Variants in CFAP47 observed in about 807,000 individuals in gnomAD.
CFAP47 encodes the protein cilia- and flagella-associated protein 47.
CFAP47 carries 29 observed loss-of-function variants against 148.1 expected under a neutral mutation model. The observed-to-expected ratio is 0.20, with a 90% CI of 0.15 to 0.27. CFAP47 has a LOEUF of 0.27. CFAP47 is among the 10% of genes least tolerant of loss of function. CFAP47 has a pLI of 1.00. For synonymous variants in CFAP47, 664 were observed against 577.3 expected, an observed-to-expected ratio of 1.15 and a Z score of -2.15; for missense variants, 1,872 against 1,697.5, an observed-to-expected ratio of 1.10 and a Z score of -1.81.
At chrX:36,010,458 T>C (rs1409835734) in intron 21 of CFAP47, among the ~76,000 whole-genome samples, 1 of 107,308 alleles carries the variant, frequency 9.3e-6, no homozygotes, top group African/African-American at 3.5e-5. Context: ...TTTAAAGTTT[T>C]GTCGTTTTTT....
chrX:36,291,576 T>C (rs781834358), intron 51 of CFAP47, among the ~76,000 whole-genome samples: 1 of 110,501 alleles, frequency 9.0e-6, no homozygotes, highest in African/African-American at 3.3e-5. Flanking sequence ...TGAAGAAGAA[T>C]TGACTGAACA....
intron 26 of CFAP47, among the ~76,000 whole-genome samples, chrX:36,055,516 G>A (rs1346971563): frequency 9.0e-6 from 1 of 111,715 alleles, no homozygotes; most frequent in Admixed American, 9.5e-5. Context: ...CCTTTTTGTG[G>A]CTGCATAGTA....
chrX:35,971,190 G>T (rs1936485704), intron 11 of CFAP47, among the ~76,000 whole-genome samples: 1 of 112,130 alleles, frequency 8.9e-6, no homozygotes, highest in African/African-American at 3.2e-5. Flanking sequence ...GCTCTCGGGA[G>T]AAACCTGTAC....
intron 33 of CFAP47, among the ~76,000 whole-genome samples, chrX:36,107,821 A>G (rs1470935328): frequency 9.0e-6 from 1 of 110,934 alleles, no homozygotes; most frequent in Non-Finnish European, 1.9e-5. Flanking sequence ...CAATCTTGCT[A>G]TTTACCTAAG....
At chrX:36,130,196 A>G (rs985062283) in intron 33 of CFAP47, among the ~76,000 whole-genome samples, 7 of 111,484 alleles carry the variant, frequency 6.3e-5, no homozygotes, top group Non-Finnish European at 1.3e-4. Context: ...AATGACCAGA[A>G]TATATAAGGA....
intron 57 of CFAP47, among the ~76,000 whole-genome samples, chrX:36,339,890 T>C (rs1209668560): frequency 8.9e-6 from 1 of 112,198 alleles, no homozygotes; most frequent in Non-Finnish European, 1.9e-5. Context: ...TTAAAAAGCA[T>C]TATGTCATGT....
intron 51 of CFAP47, among the ~76,000 whole-genome samples, chrX:36,286,389 A>T (rs1256264990): frequency 9.2e-6 from 1 of 109,112 alleles, no homozygotes; most frequent in Non-Finnish European, 1.9e-5. Flanking sequence ...AGAATTGATT[A>T]CTTAGAATCT....
At chrX:36,214,113 C>G (rs782120762) in intron 45 of CFAP47, among the ~76,000 whole-genome samples, 2 of 111,759 alleles carry the variant, frequency 1.8e-5, no homozygotes, top group Non-Finnish European at 3.8e-5. Flanking sequence ...TACTAATCAC[C>G]TAGGCTATAT....
intron 39 of CFAP47, 81 bp downstream of exon 39, chrX:36,160,850 CTTTTTTTT>C: frequency 1.2e-5 from 2 of 160,877 alleles, no homozygotes; most frequent in Non-Finnish European, 1.1e-5. Flanking sequence ...TTCTTTCTTT[CTTTTTTTT>C]TTTTTTTTTT....
At chrX:36,160,851 T>A in intron 39 of CFAP47, 82 bp downstream of exon 39, 2 of 68,120 alleles carry the variant, frequency 2.9e-5, no homozygotes, top group Non-Finnish European at 4.9e-5. Flanking sequence ...TCTTTCTTTC[T>A]TTTTTTTTTT....
chrX:35,980,156 G>A (rs1040743316), intron 15 of CFAP47, among the ~76,000 whole-genome samples: 1 of 111,957 alleles, frequency 8.9e-6, no homozygotes, highest in Non-Finnish European at 1.9e-5. Flanking sequence ...AGAGGCTGAG[G>A]CCCAGTGTTC....
intron 45 of CFAP47, among the ~76,000 whole-genome samples, chrX:36,206,349 A>T (rs963236498): frequency 5.4e-5 from 6 of 111,544 alleles, no homozygotes; most frequent in African/African-American, 2.0e-4. Flanking sequence ...TAACTGGATA[A>T]AGCTGCATCT....
chrX:36,085,694 TTA>T (rs111293423), intron 30 of CFAP47, among the ~76,000 whole-genome samples, 156 bp downstream of exon 30: 3 of 106,285 alleles, frequency 2.8e-5, no homozygotes, highest in Non-Finnish European at 3.9e-5. Context: ...TATATATATA[TTA>T]TATATATATA....
rs781823384 is a variant in CFAP47 at position 36,250,637 on chromosome X, G to GTATA, written c.7333-682_7333-679dup. On this transcript the variant is annotated intron_variant, in intron 48 of 63. Coordinates refer to ENST00000378653, the MANE Select transcript of CFAP47 (RefSeq NM_001304548.2). ...TAGTTTGATTTAGCCATTTCACAATGTATATATATATATATATCAAAACAT... is the reference window on the plus strand; with the variant it reads ...TAGTTTGATTTAGCCATTTCACAATGTATATATATATATATATATATCAAAACAT... Among the ~76,000 whole-genome samples the GTATA allele has an allele frequency of 5.6e-4, 59 of 105,874 alleles. 1 individual carries two copies. The highest frequency in any genetic ancestry group is 1.8e-3 in the African/African-American group (54 of 29,419). The allele number at this position is 105,874 out of a possible 115,157, so 91.9% of individuals were successfully genotyped here.
chrX:36,012,958 A>C (rs1937055938), intron 21 of CFAP47, among the ~76,000 whole-genome samples: 1 of 111,381 alleles, frequency 9.0e-6, no homozygotes, highest in African/African-American at 3.3e-5. Flanking sequence ...AAGTGCCACA[A>C]AGCTTTCCTA....
chrX:36,136,890 A>G (rs150698921), intron 33 of CFAP47, among the ~76,000 whole-genome samples: 114 of 111,553 alleles, frequency 1.0e-3, no homozygotes, highest in African/African-American at 3.5e-3. Flanking sequence ...AAAATACAGA[A>G]GTTGTTTGCT....
chrX:36,001,020 T>C (rs1303657330), intron 20 of CFAP47, among the ~76,000 whole-genome samples: 1 of 111,706 alleles, frequency 9.0e-6, no homozygotes, highest in Non-Finnish European at 1.9e-5. Context: ...ATAGGAACCA[T>C]ATGTCTCACA....
intron 22 of CFAP47, among the ~76,000 whole-genome samples, chrX:36,028,482 A>T (rs1046501242): frequency 1.8e-5 from 2 of 111,243 alleles, no homozygotes; most frequent in Non-Finnish European, 3.8e-5. Context: ...ATGATAATTG[A>T]TTCTTCTAAT....
intron 35 of CFAP47, among the ~76,000 whole-genome samples, chrX:36,139,176 C>A (rs1305547297): frequency 9.0e-6 from 1 of 111,206 alleles, no homozygotes; most frequent in Non-Finnish European, 1.9e-5. Flanking sequence ...AGGAAGAGAT[C>A]AATGTGATGC....
Sources: gnomAD v4.1 joint callset for allele counts (sites outside exome capture counted in the v4.1 genomes callset) on GRCh38, gnomAD v4.1.1 for gene constraint, MANE v1.5 for transcripts, NCBI Gene and HGNC (gene_info 2026-07-23, HGNC 2026-07-21) for gene names.